Variants in AUTS2 observed in about 807,000 individuals in gnomAD.
AUTS2 encodes the protein autism susceptibility gene 2 protein.
Under a neutral mutation model 112.4 loss-of-function variants are expected in AUTS2, and 17 were observed. The ratio of observed to expected loss-of-function variants is 0.15; its 90% CI spans 0.10 to 0.23. The LOEUF (loss-of-function observed/expected upper bound fraction) is 0.23. Ranked by LOEUF, AUTS2 falls within the 10% of genes least tolerant of loss-of-function variation. The pLI is 1.00. For missense variants in AUTS2, 1,510 were observed against 1,701.6 expected (o/e 0.89, Z 1.98); for synonymous variants, 751 against 702.7 (o/e 1.07, Z -1.09).
intron 4 of AUTS2, among the ~76,000 whole-genome samples, chr7:70,270,993 G>A (rs1584955744): frequency 1.3e-5 from 2 of 152,096 alleles, no homozygotes; most frequent in African/African-American, 4.8e-5. Flanking sequence ...GAGGAGATTA[G>A]AATAACATCT....
At chr7:69,809,143 C>T (rs1220042349) in intron 1 of AUTS2, among the ~76,000 whole-genome samples, 2 of 151,964 alleles carry the variant, frequency 1.3e-5, no homozygotes, top group Admixed American at 6.6e-5. Context: ...GGCGCGATCT[C>T]GGCTCACTGC....
At chr7:70,045,590 TTATTA>T (rs1034702551) in intron 2 of AUTS2, among the ~76,000 whole-genome samples, 15 of 150,834 alleles carry the variant, frequency 9.9e-5, no homozygotes, top group Non-Finnish European at 4.4e-5. Context: ...TCACATTATT[TTATTA>T]TATTATATTT....
intron 1 of AUTS2, among the ~76,000 whole-genome samples, chr7:69,744,743 T>C (rs1364181856): frequency 6.6e-6 from 1 of 151,882 alleles, no homozygotes; most frequent in Non-Finnish European, 1.5e-5. Flanking sequence ...ATGCTGAGGA[T>C]CACTTGAGCC....
At chr7:70,334,304 GT>G (rs1445397983) in intron 4 of AUTS2, among the ~76,000 whole-genome samples, 1 of 152,172 alleles carries the variant, frequency 6.6e-6, no homozygotes, top group East Asian at 1.9e-4. Context: ...ATGAATGGGT[GT>G]TGAATTTTGT....
rs114245264 is a variant in AUTS2 at position 69,965,893 on chromosome 7, A to T, written c.522+66395A>T. ...GTGTGAAGTTTTACTATGCACTTGT[A>T]TAGCTGCTCCACTGAAATACTATTA... On this transcript the variant is annotated intron_variant, in intron 2 of 18. Coordinates refer to ENST00000342771, the MANE Select transcript of AUTS2 (RefSeq NM_015570.4). Among the ~76,000 whole-genome samples, 1,007 of 152,262 alleles carry T rather than the reference A, an allele frequency of 6.6e-3. 10 individuals carry two copies. Among genetic ancestry groups the T allele is most frequent in the African/African-American group, 0.023 (958 of 41,560 alleles).
At chr7:70,459,996 C>A (rs1796896016) in intron 5 of AUTS2, among the ~76,000 whole-genome samples, 1 of 152,124 alleles carries the variant, frequency 6.6e-6, no homozygotes, top group Non-Finnish European at 1.5e-5. Context: ...ACAAGCAAGG[C>A]CCCATGGACC....
intron 5 of AUTS2, among the ~76,000 whole-genome samples, chr7:70,697,509 C>T (rs1432127522): frequency 6.6e-6 from 1 of 151,444 alleles, no homozygotes; most frequent in East Asian, 2.0e-4. Context: ...TGAATATCCT[C>T]TTTGTCCCTA....
At chr7:70,016,464 C>T (rs943349996) in intron 2 of AUTS2, among the ~76,000 whole-genome samples, 11 of 151,914 alleles carry the variant, frequency 7.2e-5, no homozygotes, top group African/African-American at 2.7e-4. Flanking sequence ...AAGATAAACC[C>T]ACTTTGGCTG....
chr7:70,477,012 A>G (rs917757081), intron 5 of AUTS2, among the ~76,000 whole-genome samples: 3 of 152,172 alleles, frequency 2.0e-5, no homozygotes, highest in Non-Finnish European at 4.4e-5. Context: ...AGTTTCCTGT[A>G]AGTCCTCTAG....
At chr7:69,952,742 C>T (rs1797074246) in intron 2 of AUTS2, among the ~76,000 whole-genome samples, 1 of 152,158 alleles carries the variant, frequency 6.6e-6, no homozygotes, top group Non-Finnish European at 1.5e-5. Flanking sequence ...CCTTTCATAT[C>T]TATTCACTTG....
chr7:70,568,611 C>T (rs114253966), intron 5 of AUTS2, among the ~76,000 whole-genome samples: 11 of 152,194 alleles, frequency 7.2e-5, no homozygotes, highest in Admixed American at 3.9e-4. Context: ...ACACAGGACA[C>T]CTGTCTCCTT....
At chr7:70,119,371 T>G (rs959977763) in intron 3 of AUTS2, 1 of 151,438 alleles carries the variant, frequency 6.6e-6, no homozygotes, top group African/African-American at 2.4e-5. Flanking sequence ...AAAGAGATTT[T>G]TTTTTTTTTT....
chr7:70,756,039 A>G (rs1158877676), intron 6 of AUTS2, among the ~76,000 whole-genome samples: 1 of 152,176 alleles, frequency 6.6e-6, no homozygotes, highest in African/African-American at 2.4e-5. Flanking sequence ...TTAAAAGCAC[A>G]ATATGAGAAT....
At chr7:70,422,043 T>C (rs1185011382) in intron 4 of AUTS2, among the ~76,000 whole-genome samples, 7 of 151,976 alleles carry the variant, frequency 4.6e-5, no homozygotes, top group Admixed American at 3.9e-4. Context: ...CTGTTATGAG[T>C]ATGAGGAATT....
At chr7:70,320,336 G>A (rs1426142895) in intron 4 of AUTS2, among the ~76,000 whole-genome samples, 2 of 152,130 alleles carry the variant, frequency 1.3e-5, no homozygotes, top group South Asian at 2.1e-4. Flanking sequence ...TAAAACCTGG[G>A]TATGACTACG....
chr7:69,759,408 AGTTTTGACTGT>A (rs138288294), intron 1 of AUTS2, among the ~76,000 whole-genome samples: 2,860 of 152,084 alleles, frequency 0.019, 100 homozygotes, highest in African/African-American at 0.065. Flanking sequence ...TGTGAAACAA[AGTTTTGACTGT>A]GTTTTGACTG....
At chr7:69,779,050 TAAAAAAAAAAAAA>T (rs1554368326) in intron 1 of AUTS2, among the ~76,000 whole-genome samples, 3 of 86,584 alleles carry the variant, frequency 3.5e-5, no homozygotes, top group South Asian at 9.2e-4. Flanking sequence ...TTTTTTTTTT[TAAAAAAAAAAAAA>T]AAAAAAAAAA....
chr7:70,301,158 G>T (rs530926808), intron 4 of AUTS2, among the ~76,000 whole-genome samples: 1 of 152,210 alleles, frequency 6.6e-6, no homozygotes, highest in Non-Finnish European at 1.5e-5. Flanking sequence ...TTTTATTTGC[G>T]TGCATAGTGA....
chr7:70,198,324 G>T lies in AUTS2; in HGVS notation c.660+63753G>T, dbSNP rs552875900. 1.6e-3 allele frequency among the ~76,000 whole-genome samples: 237 copies of T among 150,894 alleles called. 5 individuals carry two copies. The highest frequency in any genetic ancestry group is 5.4e-3 in the African/African-American group (223 of 41,362). ...GGAACGCAGTTCCTCACCAGCAACAGAACAAAGCTGGATGGAGAATGATTT... is the reference window on the plus strand; with the variant it reads ...GGAACGCAGTTCCTCACCAGCAACATAACAAAGCTGGATGGAGAATGATTT... On this transcript the variant is annotated intron_variant, in intron 4 of 18. Coordinates refer to ENST00000342771, the MANE Select transcript of AUTS2 (RefSeq NM_015570.4).
Sources: gnomAD v4.1 joint callset for allele counts (sites outside exome capture counted in the v4.1 genomes callset) on GRCh38, gnomAD v4.1.1 for gene constraint, MANE v1.5 for transcripts, NCBI Gene and HGNC (gene_info 2026-07-23, HGNC 2026-07-21) for gene names.